IKZF2: variants seen among roughly 807,000 people sequenced by gnomAD.
IKZF2 encodes the protein IKAROS family zinc finger 2.
IKZF2 carries 15 observed loss-of-function variants against 49.2 expected under a neutral mutation model. The ratio of observed to expected loss-of-function variants is 0.30; its 90% CI spans 0.20 to 0.47. IKZF2 has a LOEUF of 0.47. IKZF2 is among the 20% of genes least tolerant of loss of function. IKZF2 has a pLI of 1.00. For synonymous variants in IKZF2, 227 were observed against 221.4 expected, an observed-to-expected ratio of 1.03 and a Z score of -0.23; for missense variants, 567 against 664.6, an observed-to-expected ratio of 0.85 and a Z score of 1.61.
chr2:213,076,797 G>A (rs1214762162), intron 4 of IKZF2, among the ~76,000 whole-genome samples: 4 of 152,304 alleles, frequency 2.6e-5, no homozygotes, highest in Middle Eastern at 3.4e-3. Context: ...CAGCTACTCC[G>A]GAGGCTGAGG....
intron 4 of IKZF2, among the ~76,000 whole-genome samples, chr2:213,138,850 T>TC (rs953594801): frequency 3.9e-5 from 6 of 152,160 alleles, no homozygotes; most frequent in African/African-American, 1.2e-4. Flanking sequence ...GTGTTTTTTT[T>TC]CCTTCTGACC....
At chr2:213,151,978 T>TCGCGCCCACCCG (rs966324943), upstream of IKZF2, 2 of 151,686 alleles carry the variant, frequency 1.3e-5, no homozygotes, top group African/African-American at 2.4e-5. Flanking sequence ...GCGCACTCCC[T>TCGCGCCCACCCG]CGCGCCCACC....
intron 4 of IKZF2, among the ~76,000 whole-genome samples, chr2:213,141,164 T>C (rs2060852858): frequency 6.6e-6 from 1 of 152,026 alleles, no homozygotes; most frequent in Non-Finnish European, 1.5e-5. Context: ...ACTACCCAAG[T>C]ACTGTCTACT....
At chr2:213,061,822 T>C (rs929127233) in intron 4 of IKZF2, among the ~76,000 whole-genome samples, 2 of 151,616 alleles carry the variant, frequency 1.3e-5, no homozygotes, top group African/African-American at 4.8e-5. Context: ...AAAGAGTTCA[T>C]GAGTTAGAAT....
intron 4 of IKZF2, among the ~76,000 whole-genome samples, chr2:213,072,559 C>T (rs531870209): frequency 6.6e-6 from 1 of 152,116 alleles, no homozygotes; most frequent in African/African-American, 2.4e-5. Flanking sequence ...ATAGACAAGG[C>T]AAAGATACCT....
At chr2:213,038,135 A>G (rs1471267173) in intron 6 of IKZF2, among the ~76,000 whole-genome samples, 1 of 151,804 alleles carries the variant, frequency 6.6e-6, no homozygotes, top group South Asian at 2.1e-4. Context: ...ATCTCTGTTC[A>G]CTACAAGCTC....
rs530033723 is a variant in IKZF2, at chr2:213,000,031, G to C, written c.*7329C>G. The C allele has an allele frequency of 6.6e-6, 1 of 151,942 alleles. No individual in the cohort carries two copies. Among genetic ancestry groups the C allele is most frequent in the South Asian group, 2.1e-4 (1 of 4,816 alleles). The allele number at this position is 151,942 out of a possible 1,614,324, so 9.4% of individuals were successfully genotyped here. ...ATGTGTGTGCATTAAAAACAAAGAA[G>C]ATACAAGTCCCACATTTTAGTCTGC... On this transcript the variant is annotated 3_prime_UTR_variant, in exon 9 of 9. Coordinates refer to ENST00000434687, the MANE Select transcript of IKZF2 (RefSeq NM_001387220.1).
chr2:213,090,350 T>G (rs1705163586), intron 4 of IKZF2, among the ~76,000 whole-genome samples: 1 of 152,188 alleles, frequency 6.6e-6, no homozygotes, highest in African/African-American at 2.4e-5. Flanking sequence ...TGGTAAGGTC[T>G]GTAAACATCT....
intron 8 of IKZF2, among the ~76,000 whole-genome samples, chr2:213,010,941 A>G (rs908656558): frequency 6.6e-6 from 1 of 152,132 alleles, no homozygotes; most frequent in African/African-American, 2.4e-5. Context: ...GCTGTTAAGG[A>G]TAAGTCTGAA....
intron 4 of IKZF2, among the ~76,000 whole-genome samples, chr2:213,099,838 G>A (rs1706449521): frequency 6.6e-6 from 1 of 151,948 alleles, no homozygotes; most frequent in Non-Finnish European, 1.5e-5. Context: ...TGCTTTTAGA[G>A]GATTAAATAA....
chr2:213,094,140 G>A (rs1705682222), intron 4 of IKZF2, among the ~76,000 whole-genome samples: 1 of 152,128 alleles, frequency 6.6e-6, no homozygotes, highest in South Asian at 2.1e-4. Flanking sequence ...AACAGGTTAA[G>A]CAGACATGGT....
intron 2 of IKZF2, among the ~76,000 whole-genome samples, 181 bp downstream of exon 2, chr2:213,149,963 G>A (rs2061224156): frequency 6.6e-6 from 1 of 151,914 alleles, no homozygotes. Flanking sequence ...CAGTTTCTTC[G>A]GATATTTTAC....
intron 6 of IKZF2, among the ~76,000 whole-genome samples, chr2:213,035,308 C>T (rs1209898968): frequency 6.6e-6 from 1 of 151,742 alleles, no homozygotes; most frequent in African/African-American, 2.4e-5. Context: ...GATTTTTTAA[C>T]TGATTCTTGC....
chr2:213,078,837 C>T (rs1703571455), intron 4 of IKZF2, among the ~76,000 whole-genome samples: 1 of 152,172 alleles, frequency 6.6e-6, no homozygotes, highest in Non-Finnish European at 1.5e-5. Flanking sequence ...TCTTCTCTCC[C>T]ATGTTAACCA....
chr2:213,146,019 G>T (rs2061045089), intron 4 of IKZF2, among the ~76,000 whole-genome samples: 1 of 152,056 alleles, frequency 6.6e-6, no homozygotes, highest in South Asian at 2.1e-4. Flanking sequence ...ATCAAATTCA[G>T]AAATAAAGCA....
At position 213,081,238 on chromosome 2, in the gene IKZF2, A is replaced by G. The variant is rs529922895; in HGVS notation, c.140-24139T>C. The G allele has an allele frequency of 2.4e-4, 37 of 154,800 alleles. No homozygotes were observed. In the Middle Eastern group the frequency reaches 3.1e-3, roughly 13 times the overall value. 9.6% of individuals were successfully genotyped at this position (154,800 alleles called of 1,614,324 possible). On this transcript the variant is annotated intron_variant, in intron 4 of 8. Transcript: ENST00000434687. The stretch of plus-strand genomic sequence containing the variant: ...TGGAGCATGGCCCAAAGGTAGGTAC[A>G]CTGAAATCAGGATATTAGCCAGAAC...
At chr2:213,101,599 A>C (rs569810022) in intron 4 of IKZF2, among the ~76,000 whole-genome samples, 6 of 152,324 alleles carry the variant, frequency 3.9e-5, no homozygotes, top group African/African-American at 1.4e-4. Flanking sequence ...CTAGGCTCCA[A>C]ATTAAATTTA....
chr2:213,004,076 T>C lies in IKZF2; in HGVS notation c.*3284A>G, dbSNP rs1409603479. The C allele has an allele frequency of 6.6e-6, 1 of 151,862 alleles. No homozygotes were observed. Among genetic ancestry groups the C allele is most frequent in the Non-Finnish European group, 1.5e-5 (1 of 67,836 alleles). The allele number at this position is 151,862 out of a possible 1,614,324, so 9.4% of individuals were successfully genotyped here. On this transcript the variant is annotated 3_prime_UTR_variant, in exon 9 of 9. Coordinates refer to ENST00000434687, the MANE Select transcript of IKZF2 (RefSeq NM_001387220.1). Reference sequence around the variant, plus strand: ...CCAACTAATTTCTTGGTATTAACTGTCATTTAAATTCTCTGTATGTTTTTG... The same window carrying C: ...CCAACTAATTTCTTGGTATTAACTGCCATTTAAATTCTCTGTATGTTTTTG...
chr2:213,009,341 C>T (rs1466088748), intron 8 of IKZF2, among the ~76,000 whole-genome samples: 1 of 152,088 alleles, frequency 6.6e-6, no homozygotes, highest in Non-Finnish European at 1.5e-5. Flanking sequence ...AATATTTAGT[C>T]TTTTACAAAT....
Sources: gnomAD v4.1 joint callset for allele counts (sites outside exome capture counted in the v4.1 genomes callset) on GRCh38, gnomAD v4.1.1 for gene constraint, MANE v1.5 for transcripts, NCBI Gene and HGNC (gene_info 2026-07-23, HGNC 2026-07-21) for gene names.